FUT8: variants seen among roughly 807,000 people sequenced by gnomAD.
FUT8 encodes fucosyltransferase 8.
A neutral mutation model predicts 71.3 loss-of-function variants in FUT8; 29 were observed. That is an observed-to-expected ratio of 0.41 (90% CI 0.30 to 0.55). The LOEUF is 0.55. Among genes scored for constraint, FUT8 ranks in the 20% least tolerant of loss-of-function variants. The pLI is 0.34. For missense variants in FUT8, 544 were observed against 702.1 expected (o/e 0.77, Z 2.55); for synonymous variants, 254 against 239.3 (o/e 1.06, Z -0.57).
intron 3 of FUT8, among the ~76,000 whole-genome samples, chr14:65,596,797 CTT>C (rs1888005795): frequency 6.6e-6 from 1 of 151,950 alleles, no homozygotes; most frequent in African/African-American, 2.4e-5. Context: ...ATATTCTAGT[CTT>C]TTGAGTTTTC....
chr14:65,425,447 T>A (rs1003150869), intron 1 of FUT8, among the ~76,000 whole-genome samples: 1 of 149,670 alleles, frequency 6.7e-6, no homozygotes, highest in African/African-American at 2.5e-5. Flanking sequence ...GGATTACAGG[T>A]ATGAGCCACC....
chr14:65,442,600 C>T lies in FUT8; in HGVS notation c.-325-13021C>T, dbSNP rs1372868235. Reference sequence around the variant, plus strand: ...CTGTAATCCCAACACTTGGGGAGGCCGAGGCAGGTGGATTACTTGAGCTTA... The same window carrying T: ...CTGTAATCCCAACACTTGGGGAGGCTGAGGCAGGTGGATTACTTGAGCTTA... On this transcript the variant is annotated intron_variant, in intron 1 of 10. Coordinates refer to ENST00000673929, the MANE Select transcript of FUT8 (RefSeq NM_001371533.1). 4.0e-5 allele frequency among the ~76,000 whole-genome samples: 6 copies of T among 151,722 alleles called. 1 individual carries two copies. Among genetic ancestry groups the T allele is most frequent in the Non-Finnish European group, 8.8e-5 (6 of 67,914 alleles).
At chr14:65,542,211 C>T (rs553034379) in intron 2 of FUT8, among the ~76,000 whole-genome samples, 8 of 152,240 alleles carry the variant, frequency 5.3e-5, no homozygotes, top group African/African-American at 1.7e-4. Context: ...GGAATTATGA[C>T]GGTCATTTTA....
intron 2 of FUT8, among the ~76,000 whole-genome samples, chr14:65,512,751 A>G (rs1441200635): frequency 6.6e-6 from 1 of 151,952 alleles, no homozygotes; most frequent in African/African-American, 2.4e-5. Flanking sequence ...TCTATTAAAA[A>G]TACAAAAATT....
chr14:65,609,960 A>AT (rs900240119), intron 3 of FUT8, among the ~76,000 whole-genome samples: 26 of 148,776 alleles, frequency 1.7e-4, no homozygotes, highest in Non-Finnish European at 2.7e-4. Context: ...AATTTTTTTC[A>AT]TTTTTTTTTG....
intron 1 of FUT8, among the ~76,000 whole-genome samples, chr14:65,415,013 C>T (rs998679441): frequency 3.9e-5 from 6 of 152,144 alleles, no homozygotes; most frequent in South Asian, 4.1e-4. Flanking sequence ...CAAAACAAAA[C>T]TAATTCTGAT....
At chr14:65,508,872 G>C (rs1036451102) in intron 2 of FUT8, among the ~76,000 whole-genome samples, 2 of 152,068 alleles carry the variant, frequency 1.3e-5, no homozygotes, top group African/African-American at 4.8e-5. Flanking sequence ...CTTCCATTCT[G>C]TGGGTTGTTT....
intron 6 of FUT8, among the ~76,000 whole-genome samples, chr14:65,665,754 A>G (rs1892182058): frequency 6.6e-6 from 1 of 152,160 alleles, no homozygotes; most frequent in Non-Finnish European, 1.5e-5. Context: ...GTGCAACCAT[A>G]AAAAAGAATG....
intron 1 of FUT8, among the ~76,000 whole-genome samples, chr14:65,452,388 T>A (rs2065840942): frequency 6.6e-6 from 1 of 152,072 alleles, no homozygotes; most frequent in Admixed American, 6.6e-5. Flanking sequence ...CAAAAGACAT[T>A]GATCCCCAAG....
intron 1 of FUT8, among the ~76,000 whole-genome samples, chr14:65,443,776 A>G (rs972869064): frequency 1.3e-5 from 2 of 152,014 alleles, no homozygotes; most frequent in African/African-American, 4.8e-5. Context: ...CATGAGTAAT[A>G]TAAACTCCTT....
At chr14:65,631,422 G>A (rs1410822712) in intron 6 of FUT8, among the ~76,000 whole-genome samples, 1 of 151,742 alleles carries the variant, frequency 6.6e-6, no homozygotes, top group African/African-American at 2.4e-5. Context: ...TTCACCTGTA[G>A]TACTAATTTG....
chr14:65,524,185 T>C (rs1883285065), intron 2 of FUT8, among the ~76,000 whole-genome samples: 2 of 152,264 alleles, frequency 1.3e-5, no homozygotes, highest in South Asian at 2.1e-4. Context: ...TTTCACGATA[T>C]TGATTCTTCC....
chr14:65,496,591 C>T (rs2066563572), intron 2 of FUT8, among the ~76,000 whole-genome samples: 1 of 152,160 alleles, frequency 6.6e-6, no homozygotes, highest in Non-Finnish European at 1.5e-5. Context: ...CACCCACTCG[C>T]TCTCTCTTGC....
the FUT8 span, among the ~76,000 whole-genome samples, chr14:65,358,609 C>T: frequency 2.6e-5 from 4 of 152,054 alleles, no homozygotes; most frequent in East Asian, 7.7e-4. Context: ...GCATGCCCGG[C>T]TAATTTTTGT....
chr14:65,464,551 A>G (rs1028419933), intron 2 of FUT8, among the ~76,000 whole-genome samples: 3 of 152,134 alleles, frequency 2.0e-5, no homozygotes, highest in African/African-American at 7.2e-5. Flanking sequence ...TAGTTTGCTG[A>G]GAACATGTAA....
intron 2 of FUT8, among the ~76,000 whole-genome samples, chr14:65,553,474 G>C (rs980132803): frequency 3.9e-5 from 6 of 151,958 alleles, no homozygotes; most frequent in African/African-American, 7.2e-5. Context: ...AAATAGCTCT[G>C]ATTTTTTAGA....
At chr14:65,700,821 T>C (rs1213265373) in intron 7 of FUT8, among the ~76,000 whole-genome samples, 1 of 152,208 alleles carries the variant, frequency 6.6e-6, no homozygotes, top group Admixed American at 6.5e-5. Context: ...CGTTCATCTT[T>C]TTAGATAGAA....
rs572789673 is a variant in FUT8 at position 65,498,904 on chromosome 14, T to C, written c.-228+43186T>C. ...CTAAATTTATGTCATGCCTCTTTCA[T>C]TGTGAAAAATAATTATAGCCTCATG... On this transcript the variant is annotated intron_variant, in intron 2 of 10. Transcript: ENST00000673929. Among the ~76,000 whole-genome samples, 529 of 152,302 alleles carry C rather than the reference T, an allele frequency of 3.5e-3. 2 individuals are homozygous for C. The highest frequency in any genetic ancestry group is 0.012 in the African/African-American group (502 of 41,564).
intron 7 of FUT8, among the ~76,000 whole-genome samples, chr14:65,692,207 C>T (rs556965471): frequency 1.0e-3 from 155 of 151,412 alleles, no homozygotes; most frequent in African/African-American, 3.4e-3. Context: ...ACCTCCCGGA[C>T]GGGGCGGCTG....
Sources: allele counts gnomAD v4.1 joint callset (sites outside exome capture counted in the v4.1 genomes callset), GRCh38; gene constraint gnomAD v4.1.1; transcripts MANE v1.5; gene names NCBI Gene and HGNC (gene_info 2026-07-23, HGNC 2026-07-21).